The following SCFD1 variants were observed in gnomAD, a reference collection of about 807,000 sequenced individuals.
SCFD1 encodes the protein sec1 family domain containing 1, also known as sec1 family domain-containing protein 1.
SCFD1 carries 37 observed loss-of-function variants against 103.2 expected under a neutral mutation model. That is an observed-to-expected ratio of 0.36 (90% CI 0.28 to 0.47). The LOEUF is 0.47. SCFD1 is among the 20% of genes least tolerant of loss of function. SCFD1 has a pLI of 1.00. For synonymous variants in SCFD1, 264 were observed against 245.0 expected (o/e 1.08, Z -0.73); for missense variants, 639 against 761.2 (o/e 0.84, Z 1.89).
Position 30,694,630 on chromosome 14 carries a change from G to GGTACTTCTGAACT in SCFD1, c.1243-136_1243-124dup, listed in dbSNP as rs1470401556. The GGTACTTCTGAACT allele has an allele frequency of 7.4e-5, 91 of 1,234,482 alleles. No individual in the cohort carries two copies. In the Admixed American group the frequency reaches 1.0e-3, roughly 14 times the overall value. 76.5% of individuals were successfully genotyped at this position (1,234,482 alleles called of 1,614,324 possible). A position where few individuals can be genotyped will look rare whatever the true frequency, so the allele number is the denominator to read the frequency against. On this transcript the variant is annotated intron_variant, in intron 14 of 24. Coordinates refer to ENST00000458591, the MANE Select transcript of SCFD1 (RefSeq NM_016106.4). The stretch of plus-strand genomic sequence containing the variant: ...AGATTGCACCACTGTACTTCAGCCT[G>GGTACTTCTGAACT]GTACTTCTGAACTGTACTTTTGACC...
rs933069129 is a variant in SCFD1 at position 30,649,569 on chromosome 14, G to C, written c.655G>C (p.Glu219Gln). The stretch of plus-strand genomic sequence containing the variant: ...CAGATGTTCAAGAGGAACAGCAGCA[G>C]AAATGGTAGCAGTGGTAAGTTCATG... ...IIRCSRGTAA[E>Q]MVAVKLDKKL... Residue 219 changes from glutamate (E) to glutamine (Q), a missense_variant, in exon 8 of 25, where the codon GAA becomes CAA. Coordinates refer to ENST00000458591, the MANE Select transcript of SCFD1 (RefSeq NM_016106.4). 1.3e-6 allele frequency: 2 copies of C among 1,572,536 alleles called. No individual in the cohort carries two copies. Among genetic ancestry groups the C allele is most frequent in the African/African-American group, 2.8e-5 (2 of 71,424 alleles).
intron 14 of SCFD1, among the ~76,000 whole-genome samples, chr14:30,682,716 C>T (rs1889585294): frequency 6.6e-6 from 1 of 152,026 alleles, no homozygotes; most frequent in Non-Finnish European, 1.5e-5. Context: ...CCAAATACAG[C>T]CCTGAAAGAT....
chr14:30,653,631 A>G (rs777827657), intron 10 of SCFD1, 43 bp downstream of exon 10: 1 of 1,280,120 alleles, frequency 7.8e-7, no homozygotes, highest in Non-Finnish European at 1.1e-6. Context: ...ATATAGTAAC[A>G]TGCAGTGTTC....
intron 6 of SCFD1, among the ~76,000 whole-genome samples, 175 bp from the exon 7 acceptor site, chr14:30,643,141 C>G (rs1026796237): frequency 6.6e-6 from 1 of 152,090 alleles, no homozygotes. Flanking sequence ...TCTCTGCACT[C>G]CCTCCTGGGT....
chr14:30,656,439 T>C (rs533329756), intron 10 of SCFD1, among the ~76,000 whole-genome samples: 2 of 152,214 alleles, frequency 1.3e-5, no homozygotes, highest in Admixed American at 1.3e-4. Flanking sequence ...TCATTCTTTG[T>C]TGGGGGGCAG....
chr14:30,675,112 G>A (rs1323869842), intron 14 of SCFD1, 47 bp downstream of exon 14: 37 of 1,049,574 alleles, frequency 3.5e-5, no homozygotes, highest in Non-Finnish European at 5.1e-5. Context: ...CATTTACATA[G>A]GGTTTTATAC....
Position 30,694,760 on chromosome 14 carries a change from TA to T in SCFD1, c.1243-12del. 1 of 1,574,868 alleles carries T rather than the reference TA, an allele frequency of 6.3e-7. No homozygotes were observed. The highest frequency in any genetic ancestry group is 1.2e-5 in the South Asian group (1 of 83,560). ...ACTTAATATATTCTCATCTAATGTT[TA>T]TTTTGAAACAGGCAAGAAAATTGGA... On this transcript the variant is annotated splice_polypyrimidine_tract_variant and intron_variant, in intron 14 of 24. Coordinates refer to ENST00000458591, the MANE Select transcript of SCFD1 (RefSeq NM_016106.4).
At chr14:30,726,689 G>C (rs1218170939) in intron 23 of SCFD1, among the ~76,000 whole-genome samples, 3 of 152,080 alleles carry the variant, frequency 2.0e-5, no homozygotes, top group Admixed American at 6.5e-5. Flanking sequence ...TTGAGTCTGG[G>C]TACATGTGTC....
intron 7 of SCFD1, among the ~76,000 whole-genome samples, chr14:30,648,121 A>G (rs1194398359): frequency 8.5e-5 from 13 of 152,222 alleles, no homozygotes; most frequent in Admixed American, 8.5e-4. Flanking sequence ...TGTAGAAAAC[A>G]ACATGGAGGC....
intron 24 of SCFD1, chr14:30,735,063 C>T (rs1893744707): frequency 2.1e-6 from 1 of 468,184 alleles, no homozygotes; most frequent in Non-Finnish European, 3.8e-6. Flanking sequence ...GCCCATCCTT[C>T]CAGAACTGAA....
At chr14:30,701,830 G>A (rs1891101290) in intron 16 of SCFD1, among the ~76,000 whole-genome samples, 1 of 151,902 alleles carries the variant, frequency 6.6e-6, no homozygotes, top group South Asian at 2.1e-4. Context: ...AAATTTAAAA[G>A]TGCGGGACAC....
intron 17 of SCFD1, among the ~76,000 whole-genome samples, chr14:30,703,900 G>T (rs1891244652): frequency 1.1e-5 from 1 of 89,346 alleles, no homozygotes; most frequent in African/African-American, 3.5e-5. Flanking sequence ...TTCAGATTTG[G>T]GAATATTTGC....
intron 18 of SCFD1, among the ~76,000 whole-genome samples, chr14:30,707,489 G>C (rs1016775242): frequency 2.0e-5 from 3 of 152,126 alleles, no homozygotes; most frequent in Admixed American, 6.6e-5. Context: ...ATACAATGTA[G>C]AATTGGATCC....
intron 14 of SCFD1, among the ~76,000 whole-genome samples, chr14:30,680,061 A>G (rs1889352416): frequency 2.6e-5 from 4 of 152,138 alleles, no homozygotes; most frequent in Admixed American, 2.6e-4. Flanking sequence ...ATATCCTTCA[A>G]CTCCTTACTG....
chr14:30,665,149 T>TG, intron 10 of SCFD1, among the ~76,000 whole-genome samples: 1 of 152,296 alleles, frequency 6.6e-6, no homozygotes, highest in East Asian at 1.9e-4. Flanking sequence ...AGAGAAAGGT[T>TG]GGGTTACCCA....
intron 10 of SCFD1, chr14:30,669,969 T>C (rs1888389864): frequency 8.7e-6 from 2 of 229,452 alleles, no homozygotes; most frequent in African/African-American, 2.8e-5. Flanking sequence ...AAAAATAAAA[T>C]TAAGAGGATG....
intron 23 of SCFD1, among the ~76,000 whole-genome samples, chr14:30,728,216 C>T (rs573320814): frequency 1.6e-4 from 24 of 152,276 alleles, no homozygotes; most frequent in Admixed American, 4.6e-4. Context: ...TATGTTTTGA[C>T]ACACATTCCA....
chr14:30,701,612 A>G (rs1254566593), intron 16 of SCFD1, among the ~76,000 whole-genome samples: 1 of 152,140 alleles, frequency 6.6e-6, no homozygotes, highest in Non-Finnish European at 1.5e-5. Context: ...AGGGTATTCT[A>G]ATAGCCTAAT....
chr14:30,627,982 G>A (rs548713463), intron 1 of SCFD1, among the ~76,000 whole-genome samples: 177 of 152,104 alleles, frequency 1.2e-3, no homozygotes, highest in Non-Finnish European at 2.1e-3. Flanking sequence ...TTCATCTGTG[G>A]ACAGATGCTT....
Sources: allele counts gnomAD v4.1 joint callset (sites outside exome capture counted in the v4.1 genomes callset), GRCh38; gene constraint gnomAD v4.1.1; transcripts MANE v1.5; gene names NCBI Gene and HGNC (gene_info 2026-07-23, HGNC 2026-07-21).